The following PTPRN2 variants were observed in gnomAD, a reference collection of about 807,000 sequenced individuals.
The protein encoded by PTPRN2 is protein tyrosine phosphatase receptor type N2.
A neutral mutation model predicts 118.8 loss-of-function variants in PTPRN2; 74 were observed. The ratio of observed to expected loss-of-function variants is 0.62; its 90% CI spans 0.52 to 0.76. PTPRN2 has a LOEUF of 0.76. Among genes scored for constraint, PTPRN2 ranks in the 30% least tolerant of loss-of-function variants. The pLI, the probability that PTPRN2 is intolerant of heterozygous loss-of-function variation, is 0.00. For synonymous variants in PTPRN2, 641 were observed against 608.0 expected, an observed-to-expected ratio of 1.05 and a Z score of -0.80; for missense variants, 1,481 against 1,394.4, an observed-to-expected ratio of 1.06 and a Z score of -0.99.
intron 13 of PTPRN2, among the ~76,000 whole-genome samples, chr7:157,665,653 T>C (rs5013564): frequency 6.6e-6 from 1 of 152,172 alleles, no homozygotes; most frequent in African/African-American, 2.4e-5. Flanking sequence ...AAAAGGACTA[T>C]AAATCATGCT....
intron 11 of PTPRN2, among the ~76,000 whole-genome samples, chr7:157,913,562 A>C (rs1798213796): frequency 6.6e-6 from 1 of 152,216 alleles, no homozygotes; most frequent in African/African-American, 2.4e-5. Flanking sequence ...AATAAGAACA[A>C]ACTAGTCTTA....
Position 157,573,709 on chromosome 7 carries a change from G to C in PTPRN2, c.2784-2216C>G, listed in dbSNP as rs536970243. ...CCCCCTTGGCTGGGAAATGCTCCTA[G>C]CCAGTGAATTTGTGGCTACGATGGC... On this transcript the variant is annotated intron_variant, in intron 19 of 22. Coordinates refer to ENST00000389418, the MANE Select transcript of PTPRN2 (RefSeq NM_002847.5). Among the ~76,000 whole-genome samples the C allele has an allele frequency of 6.6e-5, 10 of 152,302 alleles. No individual in the cohort carries two copies. The South Asian group carries it at 2.1e-3, about 32-fold the overall frequency.
In PTPRN2 at chr7:157,702,952, C is replaced by T. The variant is rs1236349906; in HGVS notation, c.1789-20015G>A. 2.6e-5 allele frequency among the ~76,000 whole-genome samples: 4 copies of T among 151,958 alleles called. No homozygotes were observed. In the East Asian group the frequency reaches 7.7e-4, roughly 29 times the overall value. ...TTTTCAAGCTGCTGCTGTTGGAGAC[C>T]GGTCTTAGGAAGGGGCTGTGATAGA... On this transcript the variant is annotated intron_variant, in intron 12 of 22. Coordinates refer to ENST00000389418, the MANE Select transcript of PTPRN2 (RefSeq NM_002847.5).
chr7:157,639,021 G>GTCTTTCTTTCCT (rs1158702046), intron 14 of PTPRN2, among the ~76,000 whole-genome samples: 1 of 151,928 alleles, frequency 6.6e-6, no homozygotes, highest in Non-Finnish European at 1.5e-5. Flanking sequence ...TCGGTAGGAT[G>GTCTTTCTTTCCT]TCTTTCTTTC....
At chr7:158,412,313 G>A (rs113162671) in intron 2 of PTPRN2, among the ~76,000 whole-genome samples, 2 of 61,782 alleles carry the variant, frequency 3.2e-5, no homozygotes, top group South Asian at 9.4e-4. Flanking sequence ...CCCATCCAGC[G>A]CCCTCCTCAG....
At chr7:157,682,182 CA>C (rs1796945290) in intron 13 of PTPRN2, among the ~76,000 whole-genome samples, 1 of 152,132 alleles carries the variant, frequency 6.6e-6, no homozygotes, top group African/African-American at 2.4e-5. Flanking sequence ...AGCTCATTTC[CA>C]GGGGTGTCTG....
chr7:158,386,432 G>C (rs1349750856), intron 2 of PTPRN2, among the ~76,000 whole-genome samples: 1 of 151,756 alleles, frequency 6.6e-6, no homozygotes, highest in Non-Finnish European at 1.5e-5. Context: ...CATGCCCCGA[G>C]TCCCTCCTCC....
intron 1 of PTPRN2, among the ~76,000 whole-genome samples, chr7:158,503,803 C>G (rs112073111): frequency 4.9e-4 from 75 of 152,244 alleles, no homozygotes; most frequent in African/African-American, 1.7e-3. Context: ...GAGTTGTAGA[C>G]CAGCCTGGCC....
intron 14 of PTPRN2, 123 bp from the exon 15 acceptor site, chr7:157,621,632 T>G: frequency 8.0e-7 from 1 of 1,251,384 alleles, no homozygotes; most frequent in Non-Finnish European, 1.1e-6. Context: ...CTCACGAGCC[T>G]GGGCCATGGT....
intron 11 of PTPRN2, among the ~76,000 whole-genome samples, chr7:157,982,531 C>T (rs867084679): frequency 2.5e-4 from 26 of 103,612 alleles, no homozygotes; most frequent in African/African-American, 2.3e-4. Context: ...GTCATAGAGA[C>T]GAGGAGGGGA....
intron 2 of PTPRN2, among the ~76,000 whole-genome samples, chr7:158,443,887 G>A (rs1817549993): frequency 6.6e-6 from 1 of 152,328 alleles, no homozygotes; most frequent in South Asian, 2.1e-4. Flanking sequence ...GCCAGGGGCA[G>A]AGCTGCTCCC....
intron 2 of PTPRN2, among the ~76,000 whole-genome samples, chr7:158,334,303 C>A (rs1305642720): frequency 3.2e-5 from 1 of 30,810 alleles, no homozygotes; most frequent in African/African-American, 1.4e-4. Context: ...TAAGAGCTGA[C>A]ACCTGCAGAC....
intron 2 of PTPRN2, among the ~76,000 whole-genome samples, chr7:158,332,692 A>G (rs1433163925): frequency 6.7e-6 from 1 of 148,584 alleles, no homozygotes; most frequent in Non-Finnish European, 1.5e-5. Context: ...CTCTAACCAT[A>G]AGAGTTGACA....
chr7:158,164,379 CGT>C (rs1822709269), intron 6 of PTPRN2, among the ~76,000 whole-genome samples: 1 of 33,998 alleles, frequency 2.9e-5, no homozygotes, highest in African/African-American at 6.9e-5. Context: ...CAGGAGGGTG[CGT>C]AGGAAGGACA....
intron 5 of PTPRN2, among the ~76,000 whole-genome samples, chr7:158,171,159 TATACAC>T (rs1435587620): frequency 1.4e-5 from 2 of 143,674 alleles, no homozygotes; most frequent in Non-Finnish European, 3.0e-5. Flanking sequence ...TACACATATA[TATACAC>T]ACATATATAC....
At chr7:158,385,928 C>A (rs1309935475) in intron 2 of PTPRN2, among the ~76,000 whole-genome samples, 1 of 150,728 alleles carries the variant, frequency 6.6e-6, no homozygotes, top group African/African-American at 2.4e-5. Flanking sequence ...CTCCCATTCC[C>A]CGAGTCCCTC....
intron 11 of PTPRN2, among the ~76,000 whole-genome samples, chr7:157,979,952 G>A (rs188126806): frequency 5.4e-4 from 82 of 152,316 alleles, no homozygotes; most frequent in Non-Finnish European, 9.6e-4. Context: ...TGGTGAGTTC[G>A]GGGTAGTGTG....
intron 2 of PTPRN2, among the ~76,000 whole-genome samples, chr7:158,410,984 A>AGACACAGG (rs1814029531): frequency 1.3e-5 from 2 of 152,148 alleles, no homozygotes; most frequent in South Asian, 2.1e-4. Context: ...CCAGACATGG[A>AGACACAGG]GCGTGAGTAG....
At position 157,634,961 on chromosome 7, in the gene PTPRN2, T is replaced by A. The variant is rs184611631; in HGVS notation, c.2197-13452A>T. Among the ~76,000 whole-genome samples the A allele has an allele frequency of 2.4e-3, 366 of 152,328 alleles. 1 individual carries two copies. Among genetic ancestry groups the A allele is most frequent in the African/African-American group, 8.2e-3 (339 of 41,570 alleles). ...ACCTAACAGGCCTCCAGGTCCCAGA[T>A]GTTCTGACCAGCCAGCATGTCTCGA... On this transcript the variant is annotated intron_variant, in intron 14 of 22. Coordinates refer to ENST00000389418, the MANE Select transcript of PTPRN2 (RefSeq NM_002847.5).
Sources: allele counts gnomAD v4.1 joint callset (sites outside exome capture counted in the v4.1 genomes callset), GRCh38; gene constraint gnomAD v4.1.1; transcripts MANE v1.5; gene names NCBI Gene and HGNC (gene_info 2026-07-23, HGNC 2026-07-21).